RPL23A: variants seen among roughly 807,000 people sequenced by gnomAD.
RPL23A encodes large ribosomal subunit protein uL23.
RPL23A carries 2 observed loss-of-function variants against 17.6 expected under a neutral mutation model. The ratio of observed to expected loss-of-function variants is 0.11; its 90% CI spans 0.05 to 0.36. RPL23A has a LOEUF of 0.36. Among genes scored for constraint, RPL23A ranks in the 10% least tolerant of loss-of-function variants. RPL23A has a pLI of 1.00. For synonymous variants in RPL23A, 65 were observed against 74.3 expected, an observed-to-expected ratio of 0.87 and a Z score of 0.65; for missense variants, 132 against 194.4, an observed-to-expected ratio of 0.68 and a Z score of 1.91.
At chr17:28,720,362 T>C in intron 1 of RPL23A, 1 of 1,556,344 alleles carries the variant, frequency 6.4e-7, no homozygotes, top group South Asian at 1.2e-5. Context: ...TTAACCATTT[T>C]CCTTCTGGTT....
chr17:28,723,310 C>T (rs2034149361), intron 3 of RPL23A: 2 of 647,466 alleles, frequency 3.1e-6, no homozygotes, highest in Admixed American at 4.2e-5. Flanking sequence ...TGGGTCCCTA[C>T]TTCTATTGGG....
At chr17:28,720,533 C>T in intron 1 of RPL23A, 174 bp from the exon 2 acceptor site, 3 of 1,457,556 alleles carry the variant, frequency 2.1e-6, no homozygotes, top group Non-Finnish European at 2.9e-6. Context: ...GAGTTGGTCG[C>T]TTTCGCCTCT....
intron 1 of RPL23A, chr17:28,720,410 G>T (rs1415758998): frequency 6.3e-7 from 1 of 1,597,496 alleles, no homozygotes; most frequent in East Asian, 2.3e-5. Context: ...CCCTCTCTCC[G>T]CAGCGTGGTT....
At chr17:28,722,102 C>CCGGGCGTGGCG (rs1323213413) in intron 2 of RPL23A, among the ~76,000 whole-genome samples, 4 of 151,586 alleles carry the variant, frequency 2.6e-5, no homozygotes, top group Admixed American at 2.0e-4. Flanking sequence ...AAAAAATTAG[C>CCGGGCGTGGCG]CGGGCGTGGT....
At chr17:28,721,099 C>G (rs2034106429) in intron 2 of RPL23A, 2 of 480,232 alleles carry the variant, frequency 4.2e-6, no homozygotes, top group East Asian at 8.2e-5. Context: ...CGTCTGTAAT[C>G]CCAGCACTTT....
At chr17:28,720,996 A>C in intron 2 of RPL23A, 106 bp downstream of exon 2, 1 of 942,830 alleles carries the variant, frequency 1.1e-6, no homozygotes, top group Non-Finnish European at 1.6e-6. Context: ...AATTGTGTCC[A>C]GTGTGCTTCT....
rs758638595 is a variant in RPL23A at position 28,720,741 on chromosome 17, G to C, written c.60G>C (p.Lys20Asn). 2.5e-6 allele frequency: 4 copies of C among 1,613,900 alleles called. No individual in the cohort carries two copies. The African/African-American group carries it at 5.3e-5, about 22-fold the overall frequency. The change falls in exon 2 of 5, where the codon AAG (lysine) becomes AAC (asparagine). Residue 20 changes from lysine to asparagine, a missense_variant. Transcript: ENST00000422514. ...PAPPKAEAKA[K>N]ALKAKKAVLK... is the part of the protein sequence containing the mutation. Reference sequence around the variant, plus strand: ...CTCCTAAAGCTGAAGCCAAAGCGAAGGCTTTAAAGGCCAAGAAGGCAGTGT... The same window carrying C: ...CTCCTAAAGCTGAAGCCAAAGCGAACGCTTTAAAGGCCAAGAAGGCAGTGT...
At position 28,724,291 on chromosome 17, in the gene RPL23A, C is replaced by G. The variant is rs1356272421; in HGVS notation, c.*410C>G. 1 of 652,130 alleles carries G rather than the reference C, an allele frequency of 1.5e-6. No homozygotes were observed. The highest frequency in any genetic ancestry group is 2.7e-6 in the Non-Finnish European group (1 of 377,072). The allele number at this position is 652,130 out of a possible 1,614,324, so 40.4% of individuals were successfully genotyped here. ...CATTTTGTCCTCACACACCCATCTACTATGTCCAACCGGTCTGTCTGCTTC... is the reference window on the plus strand; with the variant it reads ...CATTTTGTCCTCACACACCCATCTAGTATGTCCAACCGGTCTGTCTGCTTC... On this transcript the variant is annotated 3_prime_UTR_variant, in exon 5 of 5. Transcript: ENST00000422514.
At chr17:28,722,391 A>G (rs2034131348) in intron 2 of RPL23A, 1 of 409,546 alleles carries the variant, frequency 2.4e-6, no homozygotes, top group Non-Finnish European at 4.8e-6. Context: ...GTTGGCCAGG[A>G]TGGTCACGAT....
rs750504909 is a variant in RPL23A at position 28,723,864 on chromosome 17, C to T, written c.457-3C>T. 24 of 1,604,376 alleles carry T rather than the reference C, an allele frequency of 1.5e-5. 1 individual carries two copies. The highest frequency in any genetic ancestry group is 1.2e-4 in the South Asian group (11 of 90,854). ...AGTAACGAGGCTCCCTTTTGTTTTT[C>T]AGATTGGGATCATCTAAACTGAGTC... On this transcript the variant is annotated splice_region_variant and splice_polypyrimidine_tract_variant and intron_variant, in intron 4 of 4. Coordinates refer to ENST00000422514, the MANE Select transcript of RPL23A (RefSeq NM_000984.6).
At chr17:28,720,379 C>T in intron 1 of RPL23A, 1 of 1,567,680 alleles carries the variant, frequency 6.4e-7, no homozygotes, top group South Asian at 1.1e-5. Flanking sequence ...GGTTCATGTT[C>T]AACCGGGCTA....
At chr17:28,720,403 T>C in intron 1 of RPL23A, 1 of 1,591,960 alleles carries the variant, frequency 6.3e-7, no homozygotes, top group East Asian at 2.3e-5. Context: ...TACCCGCCCC[T>C]CTCTCCGCAG....
At chr17:28,720,662 C>T in intron 1 of RPL23A, 45 bp from the exon 2 acceptor site, 1 of 1,606,002 alleles carries the variant, frequency 6.2e-7, no homozygotes, top group Non-Finnish European at 8.5e-7. Context: ...CGGAAGTGAC[C>T]GATTTCTAAA....
chr17:28,722,320 A>G (rs1009508259), intron 2 of RPL23A: 1 of 327,322 alleles, frequency 3.1e-6, no homozygotes. Flanking sequence ...CTCGGACTAC[A>G]GGCGTGCACC....
chr17:28,723,154 G>C, intron 3 of RPL23A: 2 of 541,102 alleles, frequency 3.7e-6, no homozygotes, highest in Non-Finnish European at 6.6e-6. Flanking sequence ...CTTTCAGCAG[G>C]GGAAAAAGGT....
Position 28,724,219 on chromosome 17 carries a change from G to A in RPL23A, c.*338G>A, listed in dbSNP as rs2034169525. On this transcript the variant is annotated 3_prime_UTR_variant, in exon 5 of 5. Transcript: ENST00000422514. ...AACCAATGCCCAGGGTTTGAAGGGT[G>A]TTAGCATCCATTTCAGGGGAGTGTG... The A allele has an allele frequency of 3.8e-6, 2 of 526,248 alleles. No individual in the cohort carries two copies. Among genetic ancestry groups the A allele is most frequent in the African/African-American group, 1.9e-5 (1 of 52,906 alleles). The allele number at this position is 526,248 out of a possible 1,614,324, so 32.6% of individuals were successfully genotyped here.
At chr17:28,720,174 ACGTGGGCCG>A (rs2034079731) in intron 1 of RPL23A, 144 bp downstream of exon 1, 1 of 1,526,226 alleles carries the variant, frequency 6.6e-7, no homozygotes, top group Non-Finnish European at 8.9e-7. Context: ...GCTGCAGTAT[ACGTGGGCCG>A]CGTGGGCCCA....
At chr17:28,722,233 G>C (rs941649663) in intron 2 of RPL23A, among the ~76,000 whole-genome samples, 3 of 133,914 alleles carry the variant, frequency 2.2e-5, no homozygotes, top group Non-Finnish European at 3.3e-5. Context: ...TGGGCGAAGC[G>C]AGACTCTGTC....
intron 1 of RPL23A, 112 bp from the exon 2 acceptor site, chr17:28,720,595 T>C: frequency 7.1e-7 from 1 of 1,400,890 alleles, no homozygotes; most frequent in Non-Finnish European, 1.0e-6. Context: ...TTGTGATGTC[T>C]TCAAAGGAAC....
Sources: gnomAD v4.1 joint callset for allele counts (sites outside exome capture counted in the v4.1 genomes callset) on GRCh38, gnomAD v4.1.1 for gene constraint, MANE v1.5 for transcripts, NCBI Gene and HGNC (gene_info 2026-07-23, HGNC 2026-07-21) for gene names.